The following ABR variants were observed in gnomAD, a reference collection of about 807,000 sequenced individuals.
ABR encodes ABR activator of RhoGEF and GTPase, also known as active breakpoint cluster region-related protein.
A neutral mutation model predicts 107.2 loss-of-function variants in ABR; 35 were observed. The observed-to-expected ratio is 0.33, with a 90% CI of 0.25 to 0.43. The LOEUF is 0.43. Ranked by LOEUF, ABR falls within the 20% of genes least tolerant of loss-of-function variation. ABR has a pLI of 1.00. For missense variants in ABR, 815 were observed against 1,115.2 expected (o/e 0.73, Z 3.83); for synonymous variants, 498 against 462.0 (o/e 1.08, Z -1.00).
intron 4 of ABR, among the ~76,000 whole-genome samples, chr17:1,085,645 ACC>A (rs563633618): frequency 8.8e-4 from 134 of 152,280 alleles, no homozygotes; most frequent in African/African-American, 2.6e-3. Context: ...GCTACCAAGC[ACC>A]TGAGATACGG....
At chr17:1,110,226 C>T (rs1033175194) in intron 2 of ABR, among the ~76,000 whole-genome samples, 1 of 151,936 alleles carries the variant, frequency 6.6e-6, no homozygotes, top group African/African-American at 2.4e-5. Context: ...TTCTGGTCCC[C>T]CTGGCCCTAG....
At chr17:1,105,528 C>A (rs528145403) in intron 2 of ABR, among the ~76,000 whole-genome samples, 1 of 152,216 alleles carries the variant, frequency 6.6e-6, no homozygotes, top group East Asian at 1.9e-4. Flanking sequence ...GCACAAGAGA[C>A]CTGGGCAGGT....
At chr17:1,110,593 C>T (rs560711507) in intron 2 of ABR, among the ~76,000 whole-genome samples, 12 of 152,310 alleles carry the variant, frequency 7.9e-5, no homozygotes, top group Non-Finnish European at 1.5e-4. Context: ...ACCTGTGGCC[C>T]GAGTTCAGGC....
At chr17:1,106,652 C>T (rs951693787) in intron 2 of ABR, among the ~76,000 whole-genome samples, 1 of 151,634 alleles carries the variant, frequency 6.6e-6, no homozygotes, top group Non-Finnish European at 1.5e-5. Flanking sequence ...GCCTCAGCCT[C>T]CTGAGTAGCT....
chr17:1,004,986 T>C lies in ABR; in HGVS notation c.*1094A>G. ...GCAGCCTACCTGCCTGGACACCTGC[T>C]TCGGCCACATCAGTCACCCTCCAGG... is the stretch of plus-strand genomic sequence containing the variant. On this transcript the variant is annotated 3_prime_UTR_variant, in exon 23 of 23. Coordinates refer to ENST00000302538, the MANE Select transcript of ABR (RefSeq NM_021962.5). 2.5e-6 allele frequency: 1 copy of C among 399,120 alleles called. No homozygotes were observed. Among genetic ancestry groups the C allele is most frequent in the Non-Finnish European group, 4.4e-6 (1 of 226,252 alleles). 24.7% of individuals were successfully genotyped at this position (399,120 alleles called of 1,614,324 possible). A position where few individuals can be genotyped will look rare whatever the true frequency, so the allele number is the denominator to read the frequency against.
At chr17:1,182,572 T>C (rs1402124814), upstream of ABR, among the ~76,000 whole-genome samples, 7 of 152,198 alleles carry the variant, frequency 4.6e-5, no homozygotes, top group Non-Finnish European at 1.0e-4. Context: ...TTCACCTTGT[T>C]AGCCAGGATG....
At chr17:1,183,746 T>C (rs1192117945), upstream of ABR, among the ~76,000 whole-genome samples, 1 of 152,092 alleles carries the variant, frequency 6.6e-6, no homozygotes, top group African/African-American at 2.4e-5. Flanking sequence ...GACAAAAATA[T>C]GTTCCCATGC....
At chr17:1,183,293 G>A (rs747775488), upstream of ABR, among the ~76,000 whole-genome samples, 1 of 152,036 alleles carries the variant, frequency 6.6e-6, no homozygotes, top group Non-Finnish European at 1.5e-5. Flanking sequence ...TGGGGCCAGT[G>A]CTCTCCACCC....
chr17:1,061,533 T>C (rs1169239169), intron 10 of ABR, among the ~76,000 whole-genome samples: 1 of 139,702 alleles, frequency 7.2e-6, no homozygotes, highest in Non-Finnish European at 1.5e-5. Context: ...TCAATAATTG[T>C]TTGTTTACTA....
chr17:1,150,817 C>A lies in ABR; in HGVS notation c.62-25450G>T, dbSNP rs146827467. On this transcript the variant is annotated intron_variant, in intron 1 of 22. Transcript: ENST00000302538. This position sits in a 1 kb window ranked among gnomAD's most constrained non-coding sequence, Gnocchi z 4.8. ...GCCGGACTCCCTAGGTTCTGCAAAC[C>A]CAGCCATCAACACACAGAGGCCCAC... Among the ~76,000 whole-genome samples the A allele has an allele frequency of 3.9e-4, 59 of 152,294 alleles. No homozygotes were observed. Among genetic ancestry groups the A allele is most frequent in the African/African-American group, 1.3e-3 (55 of 41,564 alleles).
chr17:1,007,969 G>T (rs989820206), intron 21 of ABR, among the ~76,000 whole-genome samples: 5 of 152,244 alleles, frequency 3.3e-5, no homozygotes, highest in Non-Finnish European at 5.9e-5. Context: ...TTCCAGATGA[G>T]CCCGGGGACT....
chr17:1,133,667 A>G (rs530797720), intron 1 of ABR, among the ~76,000 whole-genome samples: 2 of 152,346 alleles, frequency 1.3e-5, no homozygotes, highest in South Asian at 4.1e-4. Flanking sequence ...GAAATTTTGA[A>G]AAAATTAATG....
chr17:1,021,241 A>G (rs1029207068), intron 16 of ABR, among the ~76,000 whole-genome samples: 3 of 152,164 alleles, frequency 2.0e-5, no homozygotes, highest in Admixed American at 6.5e-5. Context: ...GACGACGGGA[A>G]TCTGAAGACC....
At chr17:1,156,544 C>T (rs764151651) in intron 1 of ABR, among the ~76,000 whole-genome samples, 57 of 152,130 alleles carry the variant, frequency 3.7e-4, no homozygotes, top group African/African-American at 1.3e-3. Flanking sequence ...ATTAGCCAGA[C>T]GTGGTGGCGC....
chr17:1,156,671 G>A (rs1229677804), intron 1 of ABR, among the ~76,000 whole-genome samples: 1 of 151,850 alleles, frequency 6.6e-6, no homozygotes, highest in East Asian at 1.9e-4. Context: ...GTGACAGAGA[G>A]AGACTCTGTC....
rs1165961066 is a variant in ABR, at chr17:1,037,183, T to C, written c.1791+12867A>G. Among the ~76,000 whole-genome samples, 2 of 152,004 alleles carry C rather than the reference T, an allele frequency of 1.3e-5. No homozygotes were observed. Among genetic ancestry groups the C allele is most frequent in the Non-Finnish European group, 2.9e-5 (2 of 67,986 alleles). ...GGCTCAAGGTTGAAGATGGGCACAG[T>C]GTAAGGAAGAAGGCAGTCAGGATGA... On this transcript the variant is annotated intron_variant, in intron 16 of 22. Coordinates refer to ENST00000302538, the MANE Select transcript of ABR (RefSeq NM_021962.5). The surrounding 1 kb of genome is among the most constrained non-coding windows in gnomAD (Gnocchi z 4.6).
chr17:1,229,291 C>G (rs906361057), exon 1 of ABR, among the ~76,000 whole-genome samples: 1 of 151,568 alleles, frequency 6.6e-6, no homozygotes, highest in Non-Finnish European at 1.5e-5. Context: ...CTCCTTCCCC[C>G]GCCGGCTTCT....
At chr17:1,129,557 C>T (rs1457417848) in intron 1 of ABR, among the ~76,000 whole-genome samples, 1 of 151,976 alleles carries the variant, frequency 6.6e-6, no homozygotes, top group East Asian at 1.9e-4. Flanking sequence ...AAAACAAGAA[C>T]AAAAAAAGAT....
At chr17:1,059,016 G>A in intron 10 of ABR, 149 bp from the exon 11 acceptor site, 1 of 1,195,384 alleles carries the variant, frequency 8.4e-7, no homozygotes, top group Non-Finnish European at 1.2e-6. Flanking sequence ...GGAGAGGCGG[G>A]TAGCTGGGTG....
Sources: allele counts gnomAD v4.1 joint callset (sites outside exome capture counted in the v4.1 genomes callset), GRCh38; gene constraint gnomAD v4.1.1; non-coding constraint Gnocchi (gnomAD v3.1); transcripts MANE v1.5; gene names NCBI Gene and HGNC (gene_info 2026-07-23, HGNC 2026-07-21).